OPHN1: variants seen among roughly 807,000 people sequenced by gnomAD.
OPHN1 encodes oligophrenin 1.
Under a neutral mutation model 60.7 loss-of-function variants are expected in OPHN1, and 11 were observed. The ratio of observed to expected loss-of-function variants is 0.18; its 90% CI spans 0.11 to 0.30. The LOEUF (loss-of-function observed/expected upper bound fraction) is 0.30. Among genes scored for constraint, OPHN1 ranks in the 10% least tolerant of loss-of-function variants. The pLI, the probability that OPHN1 is intolerant of heterozygous loss-of-function variation, is 1.00. For synonymous variants in OPHN1, 226 were observed against 222.6 expected (o/e 1.02, Z -0.14); for missense variants, 449 against 611.0 (o/e 0.73, Z 2.80).
At chrX:68,098,706 T>G (rs1210351624) in intron 18 of OPHN1, among the ~76,000 whole-genome samples, 1 of 111,456 alleles carries the variant, frequency 9.0e-6, no homozygotes, top group African/African-American at 3.3e-5. Flanking sequence ...GTGACGGAAG[T>G]TTTTTTCAGA....
chrX:68,220,363 C>T (rs911591568), intron 6 of OPHN1, among the ~76,000 whole-genome samples: 1 of 110,931 alleles, frequency 9.0e-6, no homozygotes, highest in African/African-American at 3.3e-5. Flanking sequence ...CAAGGAGGAA[C>T]TGGTACTATT....
chrX:68,318,491 C>T (rs1016588629), intron 2 of OPHN1, among the ~76,000 whole-genome samples: 4 of 112,052 alleles, frequency 3.6e-5, no homozygotes, highest in African/African-American at 1.3e-4. Flanking sequence ...GGATTAAAGG[C>T]ATGAGCCACA....
chrX:68,338,710 C>A (rs2078335808), intron 2 of OPHN1, among the ~76,000 whole-genome samples: 1 of 111,365 alleles, frequency 9.0e-6, no homozygotes, highest in African/African-American at 3.3e-5. Flanking sequence ...CAAACTGATT[C>A]CAGAAATATA....
intron 2 of OPHN1, among the ~76,000 whole-genome samples, chrX:68,424,195 T>TA (rs5902627): frequency 2.5e-3 from 261 of 106,253 alleles, no homozygotes; most frequent in African/African-American, 8.4e-3. Flanking sequence ...AAAATAAAAA[T>TA]AAAAAAAAAA....
Position 68,077,898 on chromosome X carries a change from AAC to A in OPHN1, c.1687-4601_1687-4600del, listed in dbSNP as rs1353018220. Among the ~76,000 whole-genome samples the A allele has an allele frequency of 7.1e-5, 8 of 112,151 alleles. No individual in the cohort carries two copies. In the Admixed American group the frequency reaches 7.6e-4, roughly 11 times the overall value. On this transcript the variant is annotated intron_variant, in intron 19 of 24. Transcript: ENST00000355520. ...GAAAGAACCTAAATTGTAGGGATCT[AAC>A]ACACATGAGTTCAAACCCCAGCTCT...
Position 68,348,004 on chromosome X carries a change from TG to T in OPHN1, c.155-48909del, listed in dbSNP as rs2078387299. On this transcript the variant is annotated intron_variant, in intron 2 of 24. Transcript: ENST00000355520. Reference sequence around the variant, plus strand: ...TAGACCTGGACTCTAGTCCTGATGCTGCCAATTACCAGCTATAAGACCTCAG... The same window carrying T: ...TAGACCTGGACTCTAGTCCTGATGCTCCAATTACCAGCTATAAGACCTCAG... 2.7e-5 allele frequency among the ~76,000 whole-genome samples: 3 copies of T among 111,895 alleles called. No individual in the cohort carries two copies. In the Admixed American group the frequency reaches 2.9e-4, roughly 11 times the overall value.
chrX:68,236,519 A>T (rs903908655), intron 5 of OPHN1, among the ~76,000 whole-genome samples: 1 of 111,934 alleles, frequency 8.9e-6, no homozygotes, highest in Admixed American at 9.5e-5. Flanking sequence ...CATCACCCCA[A>T]AAAGAAATCT....
chrX:68,086,897 T>C (rs1280615894), intron 19 of OPHN1, among the ~76,000 whole-genome samples: 3 of 112,086 alleles, frequency 2.7e-5, no homozygotes, highest in Non-Finnish European at 5.6e-5. Context: ...ATGTGCATTG[T>C]CCAAGGCCAC....
chrX:68,139,676 T>C (rs1221516803), intron 15 of OPHN1, among the ~76,000 whole-genome samples: 1 of 112,555 alleles, frequency 8.9e-6, no homozygotes, highest in Admixed American at 9.4e-5. Flanking sequence ...TTTTGTACTT[T>C]TTAAATTTTG....
chrX:68,202,915 C>T (rs756494067), intron 10 of OPHN1, among the ~76,000 whole-genome samples: 29 of 111,860 alleles, frequency 2.6e-4, no homozygotes, highest in Non-Finnish European at 5.3e-4. Context: ...TAGCAACACA[C>T]TAGAAAGTTT....
At chrX:68,355,321 G>A (rs953491528) in intron 2 of OPHN1, among the ~76,000 whole-genome samples, 2 of 112,134 alleles carry the variant, frequency 1.8e-5, no homozygotes, top group Non-Finnish European at 3.8e-5. Context: ...ATAAAACATT[G>A]CATCTGTCCA....
chrX:68,253,006 G>T (rs2077843805), intron 5 of OPHN1, among the ~76,000 whole-genome samples: 1 of 109,969 alleles, frequency 9.1e-6, no homozygotes, highest in Non-Finnish European at 1.9e-5. Context: ...AGTGCCAGTT[G>T]AAAGACAAAT....
chrX:68,117,608 A>C (rs1199090048), intron 16 of OPHN1, among the ~76,000 whole-genome samples: 1 of 111,940 alleles, frequency 8.9e-6, no homozygotes, highest in Non-Finnish European at 1.9e-5. Flanking sequence ...AAAAAGAGCC[A>C]GTTGAATGAG....
chrX:68,198,769 A>G (rs930763959), intron 11 of OPHN1, among the ~76,000 whole-genome samples: 11 of 111,594 alleles, frequency 9.9e-5, no homozygotes. Flanking sequence ...TCTTTATCTG[A>G]AAGGGTTCTG....
intron 2 of OPHN1, among the ~76,000 whole-genome samples, chrX:68,334,600 A>G (rs996928425): frequency 8.9e-6 from 1 of 112,191 alleles, no homozygotes; most frequent in Admixed American, 9.6e-5. Context: ...ATAAATTCCA[A>G]TACAATTCAA....
chrX:68,066,674 T>C (rs1255165022), intron 20 of OPHN1, among the ~76,000 whole-genome samples: 2 of 111,695 alleles, frequency 1.8e-5, no homozygotes, highest in Non-Finnish European at 3.8e-5. Flanking sequence ...ACCTGGATTA[T>C]CTCATGTAAT....
chrX:68,331,758 G>A lies in OPHN1; in HGVS notation c.155-32662C>T, dbSNP rs937183937. 3.7e-5 allele frequency among the ~76,000 whole-genome samples: 4 copies of A among 106,787 alleles called. No homozygotes were observed. In the East Asian group the frequency reaches 8.8e-4, roughly 24 times the overall value. The allele number at this position is 106,787 out of a possible 115,157, so 92.7% of individuals were successfully genotyped here. ...AAAAAAAAAAAAAAAAAAAGAGGCCGGGTGCAGTGGCTCCTGCCTGTAATC... is the reference window on the plus strand; with the variant it reads ...AAAAAAAAAAAAAAAAAAAGAGGCCAGGTGCAGTGGCTCCTGCCTGTAATC... On this transcript the variant is annotated intron_variant, in intron 2 of 24. Coordinates refer to ENST00000355520, the MANE Select transcript of OPHN1 (RefSeq NM_002547.3).
intron 19 of OPHN1, among the ~76,000 whole-genome samples, chrX:68,080,599 G>A (rs768392811): frequency 2.7e-4 from 30 of 112,183 alleles, no homozygotes; most frequent in Non-Finnish European, 4.5e-4. Context: ...CTTTTATGAA[G>A]AAGCTGTCTG....
intron 4 of OPHN1, among the ~76,000 whole-genome samples, chrX:68,280,789 C>T (rs1451382280): frequency 9.0e-6 from 1 of 111,231 alleles, no homozygotes; most frequent in East Asian, 2.8e-4. Flanking sequence ...CATGATGGTA[C>T]TGCCGGTCTA....
Sources: gnomAD v4.1 joint callset for allele counts (sites outside exome capture counted in the v4.1 genomes callset) on GRCh38, gnomAD v4.1.1 for gene constraint, MANE v1.5 for transcripts, NCBI Gene and HGNC (gene_info 2026-07-23, HGNC 2026-07-21) for gene names.